FAF1: variants seen among roughly 807,000 people sequenced by gnomAD.
FAF1 encodes the protein Fas associated factor 1, also known as FAS-associated factor 1.
A neutral mutation model predicts 92.5 loss-of-function variants in FAF1; 25 were observed. The observed-to-expected ratio is 0.27, with a 90% CI of 0.20 to 0.38. FAF1 has a LOEUF of 0.38. FAF1 is among the 10% of genes least tolerant of loss of function. FAF1 has a pLI of 1.00. For synonymous variants in FAF1, 234 were observed against 273.2 expected (o/e 0.86, Z 1.42); for missense variants, 636 against 793.3 (o/e 0.80, Z 2.38).
chr1:50,712,807 C>A (rs555694197), intron 6 of FAF1, among the ~76,000 whole-genome samples: 1 of 152,026 alleles, frequency 6.6e-6, no homozygotes, highest in African/African-American at 2.4e-5. Flanking sequence ...TCACACAGTA[C>A]CCCCTAATTT....
At chr1:50,584,199 G>C (rs1651117926) in intron 10 of FAF1, among the ~76,000 whole-genome samples, 1 of 152,018 alleles carries the variant, frequency 6.6e-6, no homozygotes, top group African/African-American at 2.4e-5. Flanking sequence ...TGGTCATTTT[G>C]CACGTAGCAT....
chr1:50,685,327 C>T (rs1010134009), intron 7 of FAF1, among the ~76,000 whole-genome samples: 1 of 152,164 alleles, frequency 6.6e-6, no homozygotes, highest in Non-Finnish European at 1.5e-5. Context: ...TCACAAACAA[C>T]ATGTGTCAGG....
At chr1:50,911,245 T>C (rs908379172) in intron 1 of FAF1, among the ~76,000 whole-genome samples, 1 of 151,602 alleles carries the variant, frequency 6.6e-6, no homozygotes, top group African/African-American at 2.4e-5. Context: ...CTAATTTTTC[T>C]ATTTTTAGTA....
chr1:50,523,607 T>C (rs1331828932), intron 15 of FAF1, among the ~76,000 whole-genome samples: 1 of 152,214 alleles, frequency 6.6e-6, no homozygotes, highest in East Asian at 1.9e-4. Flanking sequence ...TTTAATTGAA[T>C]TGTTTAATTT....
At position 50,885,342 on chromosome 1, in the gene FAF1, T is replaced by TCTCTCC. The variant is rs138529130; in HGVS notation, c.46-27346_46-27345insGGAGAG. ...CACACACACTCTCTCTCTCTCTCTC[T>TCTCTCC]CAATATTTGCTTTACATATCTAGGT... On this transcript the variant is annotated intron_variant, in intron 1 of 18. Coordinates refer to ENST00000396153, the MANE Select transcript of FAF1 (RefSeq NM_007051.3). Among the ~76,000 whole-genome samples the TCTCTCC allele has an allele frequency of 4.4e-3, 612 of 140,390 alleles. 8 individuals carry two copies. Among genetic ancestry groups the TCTCTCC allele is most frequent in the East Asian group, 0.021 (105 of 4,920 alleles). The allele number at this position is 140,390 out of a possible 152,430, so 92.1% of individuals were successfully genotyped here.
chr1:50,534,449 A>C (rs538267920), intron 15 of FAF1, among the ~76,000 whole-genome samples: 1 of 152,008 alleles, frequency 6.6e-6, no homozygotes, highest in African/African-American at 2.4e-5. Flanking sequence ...TACCCAGCTC[A>C]TTTTTGTATT....
intron 1 of FAF1, among the ~76,000 whole-genome samples, chr1:50,954,556 T>C (rs1045691602): frequency 6.7e-6 from 1 of 150,146 alleles, no homozygotes; most frequent in Non-Finnish European, 1.5e-5. Context: ...TTTTTTTTTT[T>C]TTTTGAGAGA....
chr1:50,452,545 C>T (rs143456410), intron 18 of FAF1, among the ~76,000 whole-genome samples: 45 of 152,298 alleles, frequency 3.0e-4, no homozygotes, highest in Non-Finnish European at 5.1e-4. Flanking sequence ...ACATGCCTCA[C>T]TTTCCAAGGC....
At chr1:50,876,301 A>T (rs1383484170) in intron 1 of FAF1, among the ~76,000 whole-genome samples, 1 of 152,200 alleles carries the variant, frequency 6.6e-6, no homozygotes, top group East Asian at 1.9e-4. Context: ...AAGTAGGTCA[A>T]ATCAAGAATA....
chr1:50,792,863 GA>G (rs1017654034), intron 3 of FAF1, among the ~76,000 whole-genome samples: 2 of 152,154 alleles, frequency 1.3e-5, no homozygotes, highest in Admixed American at 1.3e-4. Context: ...ATTTGACAGA[GA>G]AAAGGTAAGA....
intron 7 of FAF1, among the ~76,000 whole-genome samples, chr1:50,671,090 CT>C (rs1186757800): frequency 6.6e-6 from 1 of 151,796 alleles, no homozygotes. Context: ...ATCAAATAGT[CT>C]AAACATTCTT....
chr1:50,462,872 G>C lies in FAF1; in HGVS notation c.1869+12592C>G, dbSNP rs570485918. 2.0e-5 allele frequency among the ~76,000 whole-genome samples: 3 copies of C among 152,298 alleles called. No homozygotes were observed. The South Asian group carries it at 6.2e-4, about 32-fold the overall frequency. On this transcript the variant is annotated intron_variant, in intron 18 of 18. Coordinates refer to ENST00000396153, the MANE Select transcript of FAF1 (RefSeq NM_007051.3). The stretch of plus-strand genomic sequence containing the variant: ...TAGAGGTCCCCTTACATATCTAGCA[G>C]TAAACTCCAGAAGTGAATTTGAGAC...
At chr1:50,640,829 A>ATTTTTTTTTTT (rs71059592) in intron 8 of FAF1, among the ~76,000 whole-genome samples, 1 of 88,504 alleles carries the variant, frequency 1.1e-5, no homozygotes, top group Non-Finnish European at 2.0e-5. Context: ...TTATCAGCTG[A>ATTTTTTTTTTT]TTTTTTTTTT....
intron 12 of FAF1, among the ~76,000 whole-genome samples, chr1:50,576,261 T>C (rs1650728203): frequency 6.6e-6 from 1 of 152,224 alleles, no homozygotes; most frequent in Non-Finnish European, 1.5e-5. Flanking sequence ...GTTTTTTCCA[T>C]ATTAGACATA....
intron 4 of FAF1, among the ~76,000 whole-genome samples, chr1:50,751,400 T>A (rs1659862884): frequency 6.6e-6 from 1 of 152,148 alleles, no homozygotes; most frequent in African/African-American, 2.4e-5. Context: ...AGCAGCATGA[T>A]CTCGGCTTAC....
At chr1:50,862,615 A>C (rs1451121673) in intron 1 of FAF1, among the ~76,000 whole-genome samples, 3 of 151,944 alleles carry the variant, frequency 2.0e-5, no homozygotes, top group Non-Finnish European at 4.4e-5. Context: ...ATGGATAAGA[A>C]TTCACCAACC....
intron 7 of FAF1, among the ~76,000 whole-genome samples, chr1:50,672,446 G>T (rs968024322): frequency 5.9e-5 from 9 of 151,896 alleles, no homozygotes; most frequent in Non-Finnish European, 8.8e-5. Flanking sequence ...GCTAATTTTT[G>T]TATTTTTTTT....
chr1:50,516,973 T>C (rs1020461771), intron 15 of FAF1, among the ~76,000 whole-genome samples: 3 of 152,220 alleles, frequency 2.0e-5, no homozygotes, highest in Non-Finnish European at 2.9e-5. Context: ...ACAGACTCCA[T>C]AGGTTGTATT....
intron 7 of FAF1, among the ~76,000 whole-genome samples, chr1:50,696,593 C>CCTAG (rs1401035122): frequency 6.6e-6 from 1 of 152,156 alleles, no homozygotes; most frequent in African/African-American, 2.4e-5. Context: ...AAGATTCCTT[C>CCTAG]CTAGCCTTCA....
Sources: allele counts gnomAD v4.1 joint callset (sites outside exome capture counted in the v4.1 genomes callset), GRCh38; gene constraint gnomAD v4.1.1; transcripts MANE v1.5; gene names NCBI Gene and HGNC (gene_info 2026-07-23, HGNC 2026-07-21).